BAAT: variants seen among roughly 807,000 people sequenced by gnomAD.
BAAT encodes the protein bile acid CoA: amino acid N-acyltransferase (glycine N-choloyltransferase).
In BAAT, 13 loss-of-function variants were observed where a neutral mutation model predicts 18.9. The observed-to-expected ratio is 0.69, with a 90% confidence interval of 0.45 to 1.10. The LOEUF (loss-of-function observed/expected upper bound fraction) is 1.10, where lower values mean the gene tolerates loss of function less well. Among genes scored for constraint, BAAT ranks in the 50% least tolerant of loss-of-function variants. The probability of loss-of-function intolerance (pLI) is 0.00; values close to 1 mark genes in which losing one functional copy is unlikely to be tolerated. For missense variants in BAAT, 489 were observed against 504.0 expected, an observed-to-expected ratio of 0.97 and a Z score of 0.28; for synonymous variants, 170 against 190.7, an observed-to-expected ratio of 0.89 and a Z score of 0.89.
chr9:101,365,441 G>T (rs1829810111), intron 3 of BAAT, among the ~76,000 whole-genome samples: 1 of 151,422 alleles, frequency 6.6e-6, no homozygotes, highest in Non-Finnish European at 1.5e-5. Context: ...TTCCTACCCT[G>T]TATATTTAAC....
chr9:101,367,160 A>G (rs1161932647), intron 3 of BAAT, among the ~76,000 whole-genome samples: 3 of 151,680 alleles, frequency 2.0e-5, no homozygotes, highest in Non-Finnish European at 4.4e-5. Context: ...AATATTGGGC[A>G]ATTAACAAGG....
chr9:101,363,840 C>T (rs1257937822), intron 3 of BAAT, among the ~76,000 whole-genome samples: 1 of 152,000 alleles, frequency 6.6e-6, no homozygotes, highest in Non-Finnish European at 1.5e-5. Flanking sequence ...ATAGTGAGAC[C>T]CTATCTCTAC....
At chr9:101,376,263 C>T (rs1344073694) in intron 1 of BAAT, 3 of 189,318 alleles carry the variant, frequency 1.6e-5, no homozygotes, top group South Asian at 1.0e-4. Context: ...CACCTAGAGA[C>T]GGATGATTCA....
chr9:101,365,569 T>C (rs1219175093), intron 3 of BAAT, among the ~76,000 whole-genome samples: 2 of 152,068 alleles, frequency 1.3e-5, no homozygotes, highest in Non-Finnish European at 2.9e-5. Flanking sequence ...CTGAGTCTCA[T>C]TCTGTCACCC....
chr9:101,371,097 A>T lies in BAAT; in HGVS notation c.308T>A (p.Val103Asp). Residue 103 changes from valine to aspartate, a missense_variant, in exon 2 of 4, where the codon GTC (valine) becomes GAC (aspartate). Coordinates refer to ENST00000259407, the MANE Select transcript of BAAT (RefSeq NM_001701.4). ...KRDVMNRPFQ[V>D]QVKLYDLELI... ...CTCTAAGTCATAAAGTTTTACTTGG[A>T]CCTGGAAAGGCCTATTCATCACATC... 6.2e-7 allele frequency: 1 copy of T among 1,614,026 alleles called. No individual in the cohort carries two copies. The highest frequency in any genetic ancestry group is 1.1e-5 in the South Asian group (1 of 91,084).
intron 3 of BAAT, among the ~76,000 whole-genome samples, chr9:101,363,451 G>GT (rs147137525): frequency 0.15 from 22,833 of 151,950 alleles, 2,101 homozygotes; most frequent in East Asian, 0.43. Context: ...GATTTGCTTT[G>GT]TTTTTTCCAA....
chr9:101,373,086 T>C (rs1257551266), intron 1 of BAAT, among the ~76,000 whole-genome samples: 1 of 152,066 alleles, frequency 6.6e-6, no homozygotes, highest in African/African-American at 2.4e-5. Flanking sequence ...GAATAGGAAA[T>C]GAAAACACCC....
At chr9:101,376,926 G>A (rs549970270) in intron 1 of BAAT, among the ~76,000 whole-genome samples, 1 of 152,296 alleles carries the variant, frequency 6.6e-6, no homozygotes, top group South Asian at 2.1e-4. Flanking sequence ...AAGCTATTGT[G>A]AATAGTGCTG....
intron 1 of BAAT, among the ~76,000 whole-genome samples, chr9:101,382,325 G>A (rs1298189821): frequency 2.6e-5 from 4 of 152,066 alleles, no homozygotes; most frequent in African/African-American, 9.7e-5. Flanking sequence ...ACCTTCCAGG[G>A]GCATTCCACC....
intron 1 of BAAT, among the ~76,000 whole-genome samples, chr9:101,374,418 T>C (rs1284036243): frequency 6.6e-6 from 1 of 152,194 alleles, no homozygotes; most frequent in Admixed American, 6.5e-5. Context: ...AAATTCATAA[T>C]TCTGGGGTAT....
intron 1 of BAAT, among the ~76,000 whole-genome samples, chr9:101,371,671 C>A (rs1029543619): frequency 6.6e-6 from 1 of 152,034 alleles, no homozygotes; most frequent in Non-Finnish European, 1.5e-5. Context: ...AATTTTATAA[C>A]AATAATGAAC....
Position 101,371,468 on chromosome 9 carries a change from A to G in BAAT, c.-59-5T>C, listed in dbSNP as rs909597184. 1.5e-5 allele frequency: 22 copies of G among 1,458,780 alleles called. No individual in the cohort carries two copies. Among genetic ancestry groups the G allele is most frequent in the Middle Eastern group, 2.3e-4 (1 of 4,318 alleles). The allele number at this position is 1,458,780 out of a possible 1,614,324, so 90.4% of individuals were successfully genotyped here. On this transcript the variant is annotated splice_region_variant and splice_polypyrimidine_tract_variant and intron_variant, in intron 1 of 3. Transcript: ENST00000259407. Reference sequence around the variant, plus strand: ...TCTTCAGCAAAACCTCAAAACCTCAAAAAAGAAAGAAAGAGGAGCAGTAAA... The same window carrying G: ...TCTTCAGCAAAACCTCAAAACCTCAGAAAAGAAAGAAAGAGGAGCAGTAAA...
intron 2 of BAAT, among the ~76,000 whole-genome samples, chr9:101,369,573 T>TAAACCAGCACATCATCCCAAGATGG (rs1234099387): frequency 6.6e-6 from 1 of 152,182 alleles, no homozygotes; most frequent in Non-Finnish European, 1.5e-5. Context: ...CAGCACACCC[T>TAAACCAGCACATCATCCCAAGATGG]AAACCAGCAC....
Position 101,361,989 on chromosome 9 carries a change from T to C in BAAT, c.*439A>G, listed in dbSNP as rs948782427. 1.1e-5 allele frequency: 2 copies of C among 174,220 alleles called. No homozygotes were observed. Among genetic ancestry groups the C allele is most frequent in the Non-Finnish European group, 2.5e-5 (2 of 80,866 alleles). 10.8% of individuals were successfully genotyped at this position (174,220 alleles called of 1,614,324 possible). ...TGTTGCAAAGTTACTGTGGTGAAGT[T>C]GAAAAATATCACTAAAATGATTATA... On this transcript the variant is annotated 3_prime_UTR_variant, in exon 4 of 4. Transcript: ENST00000259407.
intron 1 of BAAT, among the ~76,000 whole-genome samples, chr9:101,376,805 A>G (rs1404999910): frequency 6.6e-6 from 1 of 152,250 alleles, no homozygotes; most frequent in African/African-American, 2.4e-5. Context: ...AAGAAATGAT[A>G]TAGATACAAA....
chr9:101,367,098 G>T (rs1383422126), intron 3 of BAAT, among the ~76,000 whole-genome samples: 1 of 128,280 alleles, frequency 7.8e-6, no homozygotes. Flanking sequence ...GTGACAGAGC[G>T]AGACTCTGTC....
intron 3 of BAAT, among the ~76,000 whole-genome samples, chr9:101,367,743 C>T (rs1175398249): frequency 1.3e-5 from 2 of 152,156 alleles, no homozygotes; most frequent in Non-Finnish European, 2.9e-5. Flanking sequence ...ATCTTGGCCT[C>T]CCAGAGTGCT....
At chr9:101,371,500 T>C (rs1829945240) in intron 1 of BAAT, 37 bp from the exon 2 acceptor site, 1 of 1,237,892 alleles carries the variant, frequency 8.1e-7, no homozygotes, top group African/African-American at 1.5e-5. Context: ...TAAAATAAAG[T>C]AGAGATAAGG....
intron 1 of BAAT, chr9:101,383,665 G>C (rs560347785): frequency 4.6e-5 from 7 of 152,142 alleles, no homozygotes; most frequent in Non-Finnish European, 1.0e-4. Context: ...CCCAATAAAT[G>C]TATCACTATT....
Sources: allele counts gnomAD v4.1 joint callset (sites outside exome capture counted in the v4.1 genomes callset), GRCh38; gene constraint gnomAD v4.1.1; transcripts MANE v1.5; gene names NCBI Gene and HGNC (gene_info 2026-07-23, HGNC 2026-07-21).